Variants in BMP1 observed in about 807,000 individuals in gnomAD.
The protein encoded by BMP1 is mammalian tolloid protein.
A neutral mutation model predicts 116.8 loss-of-function variants in BMP1; 63 were observed. The observed-to-expected ratio is 0.54, with a 90% CI of 0.44 to 0.67. BMP1 has a LOEUF of 0.67. Among genes scored for constraint, BMP1 ranks in the 30% least tolerant of loss-of-function variants. BMP1 has a pLI of 0.00. For synonymous variants in BMP1, 536 were observed against 533.4 expected (o/e 1.00, Z -0.07); for missense variants, 1,183 against 1,358.9 (o/e 0.87, Z 2.04).
intron 8 of BMP1, among the ~76,000 whole-genome samples, chr8:22,185,575 T>C (rs961397673): frequency 1.3e-5 from 2 of 152,134 alleles, no homozygotes; most frequent in East Asian, 3.9e-4. Flanking sequence ...TCCGCCCTCA[T>C]TCCCATCCCT....
chr8:22,212,033 C>T lies in BMP1; in HGVS notation c.*305C>T, dbSNP rs1829471250. On this transcript the variant is annotated 3_prime_UTR_variant, in exon 20 of 20. Coordinates refer to ENST00000306385, the MANE Select transcript of BMP1 (RefSeq NM_006129.5). Reference sequence around the variant, plus strand: ...GTGGCAAGAGGGAATGTCAGCAGGACCCCATCGCCATCCCTGTGTCTCTAC... The same window carrying T: ...GTGGCAAGAGGGAATGTCAGCAGGATCCCATCGCCATCCCTGTGTCTCTAC... 4.6e-6 allele frequency: 2 copies of T among 431,600 alleles called. No individual in the cohort carries two copies. Among genetic ancestry groups the T allele is most frequent in the Non-Finnish European group, 8.6e-6 (2 of 233,294 alleles). 26.7% of individuals were successfully genotyped at this position (431,600 alleles called of 1,614,324 possible).
At chr8:22,182,392 CA>C (rs1457733561) in intron 8 of BMP1, among the ~76,000 whole-genome samples, 1 of 152,202 alleles carries the variant, frequency 6.6e-6, no homozygotes, top group Admixed American at 6.5e-5. Flanking sequence ...AGGCTTTGAG[CA>C]GAGTTATTAC....
In BMP1 at chr8:22,194,539, G is replaced by C. The variant is rs1375876418; in HGVS notation, c.1392G>C (p.Arg464=). 3 of 1,614,114 alleles carry C rather than the reference G, an allele frequency of 1.9e-6. No homozygotes were observed. The highest frequency in any genetic ancestry group is 2.5e-6 in the Non-Finnish European group (3 of 1,180,048). Reference sequence around the variant, plus strand: ...GGCCCAGCAAAGTCTGCATCTGGCGGATCCAGGTGTCTGAGGGCTTCCACG... The same window carrying C: ...GGCCCAGCAAAGTCTGCATCTGGCGCATCCAGGTGTCTGAGGGCTTCCACG... ...DYRPSKVCIW[R]IQVSEGFHVG... Residue 464 remains arginine (R), a synonymous_variant, in exon 11 of 20, where the codon CGG becomes CGC. Coordinates refer to ENST00000306385, the MANE Select transcript of BMP1 (RefSeq NM_006129.5). The surrounding 1 kb of genome is among the most constrained non-coding windows in gnomAD (Gnocchi z 4.5).
At chr8:22,169,349 C>T (rs1475984590) in intron 1 of BMP1, 3 of 152,320 alleles carry the variant, frequency 2.0e-5, no homozygotes, top group Admixed American at 6.5e-5. Context: ...TTGTCTCACA[C>T]AAGTGCATCC....
intron 18 of BMP1, among the ~76,000 whole-genome samples, chr8:22,208,246 G>A (rs1430927505): frequency 6.6e-6 from 1 of 152,238 alleles, no homozygotes; most frequent in Non-Finnish European, 1.5e-5. Flanking sequence ...GCAGGTCCCA[G>A]AAACAGACCA....
intron 15 of BMP1, chr8:22,198,467 C>T (rs947639596): frequency 6.6e-6 from 1 of 152,374 alleles, no homozygotes; most frequent in African/African-American, 2.4e-5. Context: ...TGGGGTGAGG[C>T]TGTAAGGTAG....
Position 22,194,336 on chromosome 8 carries a change from A to G in BMP1, c.1298-109A>G. ...GGACTGGGGGTTTGGTGGGGAACTG[A>G]AAAGCTGGGGGACATGGGAGGGACT... is the stretch of plus-strand genomic sequence containing the variant. On this transcript the variant is annotated intron_variant, in intron 10 of 19. Coordinates refer to ENST00000306385, the MANE Select transcript of BMP1 (RefSeq NM_006129.5). The surrounding 1 kb of genome is among the most constrained non-coding windows in gnomAD (Gnocchi z 4.5). 6.0e-6 allele frequency: 9 copies of G among 1,508,972 alleles called. No homozygotes were observed. In the South Asian group the frequency reaches 9.9e-5, roughly 17 times the overall value. 93.5% of individuals were successfully genotyped at this position (1,508,972 alleles called of 1,614,324 possible). A position where few individuals can be genotyped will look rare whatever the true frequency, so the allele number is the denominator to read the frequency against.
intron 18 of BMP1, among the ~76,000 whole-genome samples, chr8:22,208,894 G>A (rs923647122): frequency 1.3e-5 from 2 of 152,202 alleles, no homozygotes; most frequent in African/African-American, 2.4e-5. Flanking sequence ...AAAGCCAGAG[G>A]GCCTGGGGAG....
chr8:22,181,799 C>T (rs2131857955), intron 8 of BMP1, among the ~76,000 whole-genome samples: 1 of 152,282 alleles, frequency 6.6e-6, no homozygotes, highest in South Asian at 2.1e-4. Context: ...AAGTGATCCT[C>T]CTGGCTCAGG....
chr8:22,204,373 T>C (rs2131899095), intron 16 of BMP1, among the ~76,000 whole-genome samples: 1 of 152,238 alleles, frequency 6.6e-6, no homozygotes, highest in South Asian at 2.1e-4. Flanking sequence ...GCCGCCTGTT[T>C]CCCCCAGTGA....
At chr8:22,177,182 G>C (rs569744473) in intron 5 of BMP1, 43 bp downstream of exon 5, 1 of 1,523,712 alleles carries the variant, frequency 6.6e-7, no homozygotes, top group Admixed American at 1.9e-5. Flanking sequence ...GGCGGCTCCC[G>C]CCCCAGCCCC....
rs3924231 is a variant in BMP1, at chr8:22,192,267, A to G, written c.1180+116A>G. On this transcript the variant is annotated intron_variant, in intron 9 of 19. Coordinates refer to ENST00000306385, the MANE Select transcript of BMP1 (RefSeq NM_006129.5). The stretch of plus-strand genomic sequence containing the variant: ...CACTGGCCAGGGATGACAACCTGGT[A>G]TGGGAGCCAGGAGTCCTGGCATCAT... 0.2 allele frequency: 170,990 copies of G among 855,576 alleles called. 20,818 individuals carry two copies. Among genetic ancestry groups the G allele is most frequent in the African/African-American group, 0.49 (29,192 of 59,512 alleles). The allele number at this position is 855,576 out of a possible 1,614,324, so 53.0% of individuals were successfully genotyped here.
intron 19 of BMP1, 45 bp downstream of exon 19, chr8:22,209,740 C>T (rs1267041907): frequency 2.5e-6 from 4 of 1,590,042 alleles, no homozygotes; most frequent in Non-Finnish European, 3.4e-6. Flanking sequence ...GCCCCACGCC[C>T]CACACTGTCC....
intron 9 of BMP1, among the ~76,000 whole-genome samples, chr8:22,192,680 C>T (rs550990242): frequency 9.9e-5 from 15 of 152,260 alleles, no homozygotes; most frequent in African/African-American, 3.1e-4. Flanking sequence ...GATACTTTGT[C>T]CCGAGGAGGG....
At position 22,165,702 on chromosome 8, in the gene BMP1, G is replaced by A. The variant is rs1423644427; in HGVS notation, c.148+149G>A. The A allele has an allele frequency of 1.5e-5, 14 of 956,632 alleles. No homozygotes were observed. The South Asian group carries it at 2.6e-4, about 18-fold the overall frequency. 59.3% of individuals were successfully genotyped at this position (956,632 alleles called of 1,614,324 possible). On this transcript the variant is annotated intron_variant, in intron 1 of 19. Coordinates refer to ENST00000306385, the MANE Select transcript of BMP1 (RefSeq NM_006129.5). Reference sequence around the variant, plus strand: ...GGGAACAAAAGAACGAGGGGGAGAGGGAGGGGGATTTGGGGGACTTTTCGG... The same window carrying A: ...GGGAACAAAAGAACGAGGGGGAGAGAGAGGGGGATTTGGGGGACTTTTCGG...
intron 4 of BMP1, 94 bp from the exon 5 acceptor site, chr8:22,176,867 C>G: frequency 8.5e-7 from 1 of 1,181,778 alleles, no homozygotes; most frequent in Non-Finnish European, 1.2e-6. Flanking sequence ...CCTTCGCTCC[C>G]CTGCCGCCCC....
chr8:22,170,793 A>AC (rs1387565930), intron 1 of BMP1: 1 of 130,720 alleles, frequency 7.6e-6, no homozygotes, highest in Non-Finnish European at 1.8e-5. Flanking sequence ...CGTCTCTACT[A>AC]AAAAAAAAAT....
chr8:22,176,459 G>T (rs1216869032), intron 3 of BMP1, 74 bp from the exon 4 acceptor site: 9 of 1,574,946 alleles, frequency 5.7e-6, no homozygotes, highest in Non-Finnish European at 7.0e-6. Context: ...CAGAATGGCT[G>T]TGACTCTTCA....
At chr8:22,201,043 A>C in intron 15 of BMP1, 2 of 989,194 alleles carry the variant, frequency 2.0e-6, no homozygotes, top group Admixed American at 2.7e-5. Context: ...TCTGGTTTTC[A>C]CTGCTGTCCC....
Sources: gnomAD v4.1 joint callset for allele counts (sites outside exome capture counted in the v4.1 genomes callset) on GRCh38, gnomAD v4.1.1 for gene constraint, Gnocchi (gnomAD v3.1) non-coding constraint, MANE v1.5 for transcripts, NCBI Gene and HGNC (gene_info 2026-07-23, HGNC 2026-07-21) for gene names.